Variants in ASCC1 observed in about 807,000 individuals in gnomAD.
ASCC1 encodes ASC-1 complex subunit P50.
A neutral mutation model predicts 46.6 loss-of-function variants in ASCC1; 35 were observed. That is an observed-to-expected ratio of 0.75 (90% CI 0.57 to 0.99). The LOEUF (loss-of-function observed/expected upper bound fraction) is 0.99, where lower values mean the gene tolerates loss of function less well. ASCC1 is among the 50% of genes least tolerant of loss of function. ASCC1 has a pLI of 0.00. For synonymous variants in ASCC1, 143 were observed against 146.6 expected (o/e 0.98, Z 0.18); for missense variants, 376 against 428.7 (o/e 0.88, Z 1.09).
At chr10:72,189,944 A>G (rs1854156082) in intron 5 of ASCC1, 1 of 734,716 alleles carries the variant, frequency 1.4e-6, no homozygotes, top group Non-Finnish European at 2.5e-6. Flanking sequence ...AGCCAAGACA[A>G]GTGCACACAA....
intron 9 of ASCC1, among the ~76,000 whole-genome samples, chr10:72,112,073 G>A (rs953356176): frequency 2.0e-5 from 3 of 152,104 alleles, no homozygotes; most frequent in Admixed American, 6.6e-5. Context: ...CAAAGCCCCC[G>A]AAACTAAAAC....
At chr10:72,171,311 C>T (rs772446821) in intron 5 of ASCC1, among the ~76,000 whole-genome samples, 2 of 152,198 alleles carry the variant, frequency 1.3e-5, no homozygotes, top group Non-Finnish European at 2.9e-5. Context: ...GGGCAAATCA[C>T]TTCCTTGAGC....
At chr10:72,165,197 C>T (rs923987549) in intron 5 of ASCC1, among the ~76,000 whole-genome samples, 10 of 152,172 alleles carry the variant, frequency 6.6e-5, no homozygotes, top group Non-Finnish European at 1.0e-4. Context: ...TCACTGCAAC[C>T]TCCGCTTCCC....
intron 5 of ASCC1, among the ~76,000 whole-genome samples, chr10:72,174,018 A>G (rs1303510172): frequency 6.6e-6 from 1 of 152,242 alleles, no homozygotes; most frequent in African/African-American, 2.4e-5. Context: ...GAAAATAAAC[A>G]TGTTTCTTTA....
At chr10:72,123,208 G>A (rs940189569) in intron 9 of ASCC1, among the ~76,000 whole-genome samples, 9 of 152,074 alleles carry the variant, frequency 5.9e-5, no homozygotes, top group East Asian at 3.9e-4. Context: ...GCATGGTGGC[G>A]TGTGCCTGTA....
At chr10:72,174,621 T>A (rs1172987001) in intron 5 of ASCC1, among the ~76,000 whole-genome samples, 1 of 152,222 alleles carries the variant, frequency 6.6e-6, no homozygotes, top group East Asian at 1.9e-4. Context: ...GCTCTCTGCC[T>A]TGGTGGTACA....
At chr10:72,204,609 C>G (rs1856943348) in intron 3 of ASCC1, 1 of 1,412,160 alleles carries the variant, frequency 7.1e-7, no homozygotes, top group Non-Finnish European at 9.5e-7. Context: ...ATTTTAACCT[C>G]TATGACTTCA....
At chr10:72,122,710 C>T (rs898485553) in intron 9 of ASCC1, among the ~76,000 whole-genome samples, 10 of 148,412 alleles carry the variant, frequency 6.7e-5, no homozygotes, top group South Asian at 4.3e-4. Flanking sequence ...TCCATGAGTT[C>T]GAGGCTGCGA....
chr10:72,203,197 A>T (rs1158927865), intron 4 of ASCC1, among the ~76,000 whole-genome samples: 3 of 151,864 alleles, frequency 2.0e-5, no homozygotes, highest in Admixed American at 2.0e-4. Context: ...GAGGCAGGAG[A>T]ATCGCTTGAT....
At chr10:72,139,114 C>CT (rs1222967667) in intron 7 of ASCC1, among the ~76,000 whole-genome samples, 6,306 of 130,690 alleles carry the variant, frequency 0.048, 427 homozygotes, top group African/African-American at 0.14. Context: ...TTTTCTTTTT[C>CT]TTTTTTTTTT....
intron 7 of ASCC1, among the ~76,000 whole-genome samples, chr10:72,136,294 G>A (rs543006664): frequency 2.6e-5 from 4 of 151,320 alleles, no homozygotes; most frequent in Non-Finnish European, 4.4e-5. Context: ...ACCAATCAGC[G>A]CTCTGTGTCT....
chr10:72,174,265 G>A (rs1038885561), intron 5 of ASCC1, among the ~76,000 whole-genome samples: 3 of 152,116 alleles, frequency 2.0e-5, no homozygotes, highest in African/African-American at 7.2e-5. Flanking sequence ...GCCCTTCACT[G>A]GCATCACTTT....
chr10:72,171,738 T>C (rs2132851129), intron 5 of ASCC1, among the ~76,000 whole-genome samples: 1 of 152,262 alleles, frequency 6.6e-6, no homozygotes, highest in South Asian at 2.1e-4. Flanking sequence ...TAAAGACCCA[T>C]CTCAACATCC....
At chr10:72,149,436 A>AC (rs1848054691) in intron 7 of ASCC1, among the ~76,000 whole-genome samples, 1 of 95,682 alleles carries the variant, frequency 1.0e-5, no homozygotes, top group South Asian at 3.7e-4. Context: ...AGACTCCGTC[A>AC]CAAAAAAAAA....
upstream of ASCC1, chr10:72,217,100 C>T (rs1471879393): frequency 2.2e-6 from 1 of 453,528 alleles, no homozygotes; most frequent in South Asian, 1.6e-5. Context: ...GGAAACACTG[C>T]CCCAGGTTCT....
intron 9 of ASCC1, among the ~76,000 whole-genome samples, chr10:72,110,245 T>C (rs1421540895): frequency 6.6e-6 from 1 of 152,194 alleles, no homozygotes; most frequent in Non-Finnish European, 1.5e-5. Flanking sequence ...AGAAGATAAA[T>C]GTTTGGTCTC....
At chr10:72,207,272 G>A (rs1041615725) in intron 3 of ASCC1, among the ~76,000 whole-genome samples, 2 of 152,110 alleles carry the variant, frequency 1.3e-5, no homozygotes, top group Non-Finnish European at 2.9e-5. Flanking sequence ...AAATTAGCCA[G>A]GTGTGGTGGC....
intron 3 of ASCC1, among the ~76,000 whole-genome samples, chr10:72,209,877 T>C (rs1427284272): frequency 6.6e-6 from 1 of 152,298 alleles, no homozygotes; most frequent in East Asian, 1.9e-4. Context: ...TAACCCTCAG[T>C]GTTGGAAGTG....
chr10:72,202,001 G>GC (rs1209927075), intron 4 of ASCC1, among the ~76,000 whole-genome samples: 1 of 151,238 alleles, frequency 6.6e-6, no homozygotes, highest in African/African-American at 2.4e-5. Flanking sequence ...TGTAATTCCA[G>GC]CACCTTGGAA....
Sources: allele counts gnomAD v4.1 joint callset (sites outside exome capture counted in the v4.1 genomes callset), GRCh38; gene constraint gnomAD v4.1.1; transcripts MANE v1.5; gene names NCBI Gene and HGNC (gene_info 2026-07-23, HGNC 2026-07-21).